The following HDAC4 variants were observed in gnomAD, a reference collection of about 807,000 sequenced individuals.
The protein encoded by HDAC4 is histone deacetylase A.
HDAC4 carries 16 observed loss-of-function variants against 135.1 expected under a neutral mutation model. The ratio of observed to expected loss-of-function variants is 0.12; its 90% confidence interval spans 0.08 to 0.18. HDAC4 has a LOEUF of 0.18. Among genes scored for constraint, HDAC4 ranks in the 10% least tolerant of loss-of-function variants. HDAC4 has a pLI of 1.00. For synonymous variants in HDAC4, 685 were observed against 653.4 expected, an observed-to-expected ratio of 1.05 and a Z score of -0.74; for missense variants, 1,143 against 1,511.8, an observed-to-expected ratio of 0.76 and a Z score of 4.05.
chr2:239,078,548 G>T (rs920934360), intron 22 of HDAC4, among the ~76,000 whole-genome samples: 1 of 152,058 alleles, frequency 6.6e-6, no homozygotes, highest in South Asian at 2.1e-4. Context: ...AAAAAACCCT[G>T]AAACAATTTT....
intron 3 of HDAC4, among the ~76,000 whole-genome samples, chr2:239,217,167 A>C (rs574245717): frequency 6.6e-6 from 1 of 152,202 alleles, no homozygotes; most frequent in East Asian, 1.9e-4. Context: ...CGCTGGTGGC[A>C]GAGCCTGAAC....
rs562798799 is a variant in HDAC4 at position 239,360,895 on chromosome 2, T to TG, written c.-219-7978dup. ...CTGGTGTGCTGTAGGAAAAAGGCTC[T>TG]GGGGCCAACGCTGTCTGGGAAATGT... On this transcript the variant is annotated intron_variant, in intron 1 of 26. Transcript: ENST00000543185. Among the ~76,000 whole-genome samples the TG allele has an allele frequency of 1.6e-3, 249 of 152,312 alleles. 1 individual carries two copies. The highest frequency in any genetic ancestry group is 5.4e-3 in the African/African-American group (226 of 41,566).
chr2:239,110,059 A>T (rs897493439), intron 14 of HDAC4, among the ~76,000 whole-genome samples: 5 of 152,168 alleles, frequency 3.3e-5, no homozygotes, highest in African/African-American at 7.2e-5. Context: ...GATGGCTGAG[A>T]GTGTGAGGTA....
chr2:239,270,570 C>T (rs2050004411), intron 2 of HDAC4, among the ~76,000 whole-genome samples: 1 of 152,174 alleles, frequency 6.6e-6, no homozygotes, highest in Non-Finnish European at 1.5e-5. Context: ...CATTTATAAC[C>T]TAATCAGGAA....
At chr2:239,089,790 C>A in intron 18 of HDAC4, 4 of 505,144 alleles carry the variant, frequency 7.9e-6, no homozygotes, top group Non-Finnish European at 7.2e-6. Flanking sequence ...AGACCCAAAT[C>A]ATTGAGAATC....
At position 239,262,677 on chromosome 2, in the gene HDAC4, C is replaced by G. The variant is rs892737599; in HGVS notation, c.23-26013G>C. ...CTGGGCTAGTGCAGGGGTGGGCAGGCACCACAAGCGGGACACCCCCAAGGG... is the reference window on the plus strand; with the variant it reads ...CTGGGCTAGTGCAGGGGTGGGCAGGGACCACAAGCGGGACACCCCCAAGGG... On this transcript the variant is annotated intron_variant, in intron 2 of 26. Transcript: ENST00000543185. This position sits in a 1 kb window ranked among gnomAD's most constrained non-coding sequence, Gnocchi z 4.1. Among the ~76,000 whole-genome samples the G allele has an allele frequency of 6.6e-6, 1 of 152,166 alleles. No individual in the cohort carries two copies. Among genetic ancestry groups the G allele is most frequent in the South Asian group, 2.1e-4 (1 of 4,820 alleles).
chr2:239,345,664 C>T (rs1020704860), intron 2 of HDAC4, among the ~76,000 whole-genome samples: 2 of 151,340 alleles, frequency 1.3e-5, no homozygotes, highest in African/African-American at 4.9e-5. Flanking sequence ...AAAAAACACA[C>T]ACTCCCTAAA....
chr2:239,296,158 G>A (rs1384540747), intron 2 of HDAC4, among the ~76,000 whole-genome samples: 3 of 152,222 alleles, frequency 2.0e-5, no homozygotes, highest in Non-Finnish European at 1.5e-5. Context: ...ACCTGGAGCC[G>A]TGTCCTTGAG....
chr2:239,099,421 G>A (rs988718766), intron 16 of HDAC4, among the ~76,000 whole-genome samples: 1 of 152,208 alleles, frequency 6.6e-6, no homozygotes, highest in Non-Finnish European at 1.5e-5. Context: ...TGGCAGCCCC[G>A]GTGACATCGA....
chr2:239,373,262 C>T (rs1371666362), intron 1 of HDAC4, among the ~76,000 whole-genome samples: 1 of 152,206 alleles, frequency 6.6e-6, no homozygotes, highest in Non-Finnish European at 1.5e-5. Context: ...TGGACACCAT[C>T]TCTCTTGCCA....
intron 2 of HDAC4, among the ~76,000 whole-genome samples, chr2:239,263,836 C>T (rs1445655215): frequency 2.0e-5 from 3 of 152,170 alleles, no homozygotes; most frequent in South Asian, 2.1e-4. Flanking sequence ...GGCTGAGCCT[C>T]GCCTCCTGCT....
At chr2:239,084,280 T>C in intron 19 of HDAC4, 38 bp from the exon 20 acceptor site, 2 of 1,492,700 alleles carry the variant, frequency 1.3e-6, no homozygotes, top group Non-Finnish European at 1.8e-6. Flanking sequence ...GAAGCGCAGG[T>C]GGGCGGTGGC....
chr2:239,160,360 G>A (rs1015235903), intron 6 of HDAC4, among the ~76,000 whole-genome samples: 2 of 152,178 alleles, frequency 1.3e-5, no homozygotes, highest in Non-Finnish European at 2.9e-5. Context: ...TCAAGTGCTC[G>A]GGAGCCACGT....
intron 2 of HDAC4, among the ~76,000 whole-genome samples, chr2:239,288,156 G>A (rs1243341835): frequency 1.3e-5 from 2 of 151,930 alleles, no homozygotes; most frequent in African/African-American, 4.8e-5. Flanking sequence ...AGCAAAGTAT[G>A]AAAATGACAA....
chr2:239,105,621 G>C (rs1381787663), intron 15 of HDAC4, among the ~76,000 whole-genome samples: 1 of 152,166 alleles, frequency 6.6e-6, no homozygotes, highest in Non-Finnish European at 1.5e-5. Flanking sequence ...TGTGAGGGGA[G>C]GGCCTCACCC....
intron 16 of HDAC4, among the ~76,000 whole-genome samples, chr2:239,095,637 G>A (rs2036949540): frequency 6.6e-6 from 1 of 152,186 alleles, no homozygotes; most frequent in Admixed American, 6.5e-5. Context: ...CGCTGCAGCT[G>A]CACGCCAGGC....
rs182747493 is a variant in HDAC4 at position 239,062,542 on chromosome 2, C to T, written c.3003+4180G>A. Among the ~76,000 whole-genome samples, 28 of 152,340 alleles carry T rather than the reference C, an allele frequency of 1.8e-4. No individual in the cohort carries two copies. The South Asian group carries it at 5.0e-3, about 27-fold the overall frequency. On this transcript the variant is annotated intron_variant, in intron 24 of 26. Transcript: ENST00000543185. The stretch of plus-strand genomic sequence containing the variant: ...CATTTTCTTGTTAGAAGCGCAAACA[C>T]GCATCAGGAAGCAAGAACAGGCCAC...
intron 17 of HDAC4, chr2:239,094,108 G>A: frequency 2.0e-6 from 2 of 985,366 alleles, no homozygotes; most frequent in Non-Finnish European, 2.4e-6. Context: ...CGGCTGCAGC[G>A]GCTCCTGCTG....
intron 2 of HDAC4, among the ~76,000 whole-genome samples, chr2:239,321,408 C>T (rs924174612): frequency 1.5e-5 from 2 of 133,330 alleles, no homozygotes; most frequent in Non-Finnish European, 3.0e-5. Flanking sequence ...GAGCTTGCAG[C>T]GAGCCGAGAT....
Sources: allele counts gnomAD v4.1 joint callset (sites outside exome capture counted in the v4.1 genomes callset), GRCh38; gene constraint gnomAD v4.1.1; non-coding constraint Gnocchi (gnomAD v3.1); transcripts MANE v1.5; gene names NCBI Gene and HGNC (gene_info 2026-07-23, HGNC 2026-07-21).